The following GTF2H5 variants were observed in gnomAD, a reference collection of about 807,000 sequenced individuals.
GTF2H5 encodes TFB5 ortholog.
GTF2H5 carries 5 observed loss-of-function variants against 7.1 expected under a neutral mutation model. The ratio of observed to expected loss-of-function variants is 0.71; its 90% CI spans 0.37 to 1.49. The LOEUF (loss-of-function observed/expected upper bound fraction) is 1.49, where lower values mean the gene tolerates loss of function less well. GTF2H5 is among the 40% of genes most tolerant of loss of function. The probability of loss-of-function intolerance (pLI) is 0.03; values close to 1 mark genes in which losing one functional copy is unlikely to be tolerated. For missense variants in GTF2H5, 80 were observed against 83.0 expected (o/e 0.96, Z 0.14); for synonymous variants, 30 against 31.7 (o/e 0.95, Z 0.18).
chr6:158,169,678 A>AATATATTGTATATTGTATATT lies in GTF2H5; in HGVS notation c.-34-786_-34-785insTGTATATTGTATATTATATAT, dbSNP rs1785783723. 1.0e-4 allele frequency among the ~76,000 whole-genome samples: 5 copies of AATATATTGTATATTGTATATT among 48,886 alleles called. 1 individual carries two copies. The Admixed American group carries it at 1.6e-3, about 15-fold the overall frequency. The allele number at this position is 48,886 out of a possible 152,430, so 32.1% of individuals were successfully genotyped here. A position where few individuals can be genotyped will look rare whatever the true frequency, so the allele number is the denominator to read the frequency against. ...ACATATAATATATTGTATATTATATAATATATAATATATATTATATAATAT... is the reference window on the plus strand; with the variant it reads ...ACATATAATATATTGTATATTATATAATATATTGTATATTGTATATTATATATAATATATATTATATAATAT... On this transcript the variant is annotated intron_variant, in intron 1 of 2. Coordinates refer to ENST00000607778, the MANE Select transcript of GTF2H5 (RefSeq NM_207118.3).
rs1225401445 is a variant in GTF2H5 at position 158,197,709 on chromosome 6, C to G, written c.*5552C>G. The G allele has an allele frequency of 6.6e-6, 1 of 152,182 alleles. No homozygotes were observed. The highest frequency in any genetic ancestry group is 6.5e-5 in the Admixed American group (1 of 15,278). The allele number at this position is 152,182 out of a possible 1,614,324, so 9.4% of individuals were successfully genotyped here. ...TTCACCAGAGGGTCTTCCACCGTGA[C>G]AGTTCCCCTGCGCATTCCTCTCATA... On this transcript the variant is annotated 3_prime_UTR_variant, in exon 3 of 3. Transcript: ENST00000607778.
At chr6:158,175,693 G>A (rs908231484) in intron 2 of GTF2H5, among the ~76,000 whole-genome samples, 2 of 152,142 alleles carry the variant, frequency 1.3e-5, no homozygotes, top group African/African-American at 4.8e-5. Flanking sequence ...GAACCCAAGA[G>A]GCAGAGGTTG....
At chr6:158,169,638 CATATATTGTATATTACATATA>C (rs1185328511) in intron 1 of GTF2H5, among the ~76,000 whole-genome samples, 1 of 44,492 alleles carries the variant, frequency 2.2e-5, no homozygotes, top group Non-Finnish European at 3.5e-5. Context: ...TTGTATATTA[CATATATTGTATATTACATATA>C]ATATATTGTA....
At chr6:158,186,662 G>A (rs555506351) in intron 2 of GTF2H5, among the ~76,000 whole-genome samples, 1 of 152,188 alleles carries the variant, frequency 6.6e-6, no homozygotes, top group African/African-American at 2.4e-5. Flanking sequence ...TTGTGCCCAA[G>A]GTGTTCGGGC....
At chr6:158,180,476 T>C (rs139812256) in intron 2 of GTF2H5, among the ~76,000 whole-genome samples, 3 of 152,338 alleles carry the variant, frequency 2.0e-5, no homozygotes, top group African/African-American at 7.2e-5. Context: ...TCTGGTAGAA[T>C]TTGGCTGTGA....
intron 2 of GTF2H5, among the ~76,000 whole-genome samples, chr6:158,172,749 A>G (rs769983872): frequency 2.0e-5 from 3 of 152,000 alleles, no homozygotes; most frequent in Non-Finnish European, 4.4e-5. Flanking sequence ...TCCCACATTC[A>G]TCTTTCTTGT....
rs543690011 is a variant in GTF2H5 at position 158,172,117 on chromosome 6, C to T, written c.35+1579C>T. Among the ~76,000 whole-genome samples the T allele has an allele frequency of 8.3e-4, 127 of 152,176 alleles. 2 individuals carry two copies. The South Asian group carries it at 0.018, about 22-fold the overall frequency. The stretch of plus-strand genomic sequence containing the variant: ...CCCTGGGTTTGTTAAATATTCACTT[C>T]TCTCTTCTGAGGGTTTTGTGTTTTT... On this transcript the variant is annotated intron_variant, in intron 2 of 2. Coordinates refer to ENST00000607778, the MANE Select transcript of GTF2H5 (RefSeq NM_207118.3).
intron 2 of GTF2H5, among the ~76,000 whole-genome samples, chr6:158,189,679 A>G (rs1407213354): frequency 1.3e-5 from 2 of 152,180 alleles, no homozygotes; most frequent in Non-Finnish European, 2.9e-5. Flanking sequence ...CCATCTGTTC[A>G]GAGTCCCACA....
At chr6:158,170,345 GTCTT>G (rs1412396177) in intron 1 of GTF2H5, 121 bp from the exon 2 acceptor site, 1 of 640,044 alleles carries the variant, frequency 1.6e-6, no homozygotes, top group Admixed American at 2.7e-5. Context: ...AATGTTAACT[GTCTT>G]TCATAGACTT....
rs1373311682 is a variant in GTF2H5, at chr6:158,184,209, G to A, written c.36-7768G>A. Reference sequence around the variant, plus strand: ...GCGGGTACATCACCAGCAAGGTAGTGATTTGGGTTTTCTGATCAGTGGGAC... The same window carrying A: ...GCGGGTACATCACCAGCAAGGTAGTAATTTGGGTTTTCTGATCAGTGGGAC... On this transcript the variant is annotated intron_variant, in intron 2 of 2. Transcript: ENST00000607778. Among the ~76,000 whole-genome samples the A allele has an allele frequency of 2.6e-5, 4 of 152,070 alleles. No individual in the cohort carries two copies. In the East Asian group the frequency reaches 7.7e-4, roughly 29 times the overall value.
chr6:158,168,745 T>C (rs1201262362), intron 1 of GTF2H5, among the ~76,000 whole-genome samples: 1 of 152,268 alleles, frequency 6.6e-6, no homozygotes, highest in Non-Finnish European at 1.5e-5. Context: ...GCTTGTACTT[T>C]TTTCCTTTGG....
rs766435475 is a variant in GTF2H5 at position 158,193,023 on chromosome 6, G to A, written c.*866G>A. 2.6e-5 allele frequency: 4 copies of A among 151,616 alleles called. 1 individual carries two copies. The highest frequency in any genetic ancestry group is 4.4e-5 in the Non-Finnish European group (3 of 68,038). 9.4% of individuals were successfully genotyped at this position (151,616 alleles called of 1,614,324 possible). On this transcript the variant is annotated 3_prime_UTR_variant, in exon 3 of 3. Transcript: ENST00000607778. The stretch of plus-strand genomic sequence containing the variant: ...AGCCATATGCAAAGTCAGCCCAACA[G>A]GAAAGGACATATTAGATTAAAATAC...
intron 1 of GTF2H5, among the ~76,000 whole-genome samples, chr6:158,169,378 T>A (rs1297288671): frequency 4.2e-4 from 40 of 95,510 alleles, no homozygotes; most frequent in African/African-American, 1.9e-3. Flanking sequence ...AATATGTATA[T>A]TATATATTAT....
intron 2 of GTF2H5, among the ~76,000 whole-genome samples, chr6:158,179,580 G>T (rs1785979962): frequency 6.6e-6 from 1 of 152,054 alleles, no homozygotes; most frequent in South Asian, 2.1e-4. Flanking sequence ...GTATTCCTAG[G>T]TATTTTATTC....
intron 2 of GTF2H5, among the ~76,000 whole-genome samples, chr6:158,190,200 C>G (rs1777003641): frequency 6.6e-6 from 1 of 152,048 alleles, no homozygotes; most frequent in African/African-American, 2.4e-5. Flanking sequence ...CCATGCCCAC[C>G]CTAAAACCAA....
At chr6:158,178,832 TG>T (rs1188947032) in intron 2 of GTF2H5, among the ~76,000 whole-genome samples, 1 of 152,248 alleles carries the variant, frequency 6.6e-6, no homozygotes, top group African/African-American at 2.4e-5. Flanking sequence ...TCTTTTGCTG[TG>T]CAGAAGCTCT....
In GTF2H5 at chr6:158,192,021, A is replaced by T. The variant is rs372171527; in HGVS notation, c.80A>T (p.Asn27Ile). The change falls in exon 3 of 3, where the codon AAT (asparagine) becomes ATT (isoleucine). Residue 27 changes from asparagine (N) to isoleucine (I), a missense_variant. By Grantham distance (149) the Asn-to-Ile change is moderately radical. Coordinates refer to ENST00000607778, the MANE Select transcript of GTF2H5 (RefSeq NM_207118.3). ...TTTCTGCTGTACTTGGATGAGTCCAATGCCCTGGGGAAGAAGTTCATCATT... is the reference window on the plus strand; with the variant it reads ...TTTCTGCTGTACTTGGATGAGTCCATTGCCCTGGGGAAGAAGTTCATCATT... ...KQFLLYLDES[N>I]ALGKKFIIQD... The T allele has an allele frequency of 6.2e-7, 1 of 1,614,126 alleles. No individual in the cohort carries two copies. The highest frequency in any genetic ancestry group is 1.7e-5 in the Admixed American group (1 of 60,028).
In GTF2H5 at chr6:158,196,624, G is replaced by T. The variant is rs1460574864; in HGVS notation, c.*4467G>T. On this transcript the variant is annotated 3_prime_UTR_variant, in exon 3 of 3. Transcript: ENST00000607778. ...GGATATCAGTTTAAATAGAGCCCCT[G>T]TCAGAACAATATGAATTCTGCTAAA... is the stretch of plus-strand genomic sequence containing the variant. 6.6e-6 allele frequency: 1 copy of T among 152,170 alleles called. No individual in the cohort carries two copies. Among genetic ancestry groups the T allele is most frequent in the Non-Finnish European group, 1.5e-5 (1 of 68,032 alleles). The allele number at this position is 152,170 out of a possible 1,614,324, so 9.4% of individuals were successfully genotyped here.
chr6:158,186,678 C>G (rs1400381432), intron 2 of GTF2H5, among the ~76,000 whole-genome samples: 1 of 152,146 alleles, frequency 6.6e-6, no homozygotes, highest in Admixed American at 6.6e-5. Flanking sequence ...CGGGCTACAG[C>G]TTGGTTTTAC....
Sources: gnomAD v4.1 joint callset for allele counts (sites outside exome capture counted in the v4.1 genomes callset) on GRCh38, gnomAD v4.1.1 for gene constraint, MANE v1.5 for transcripts, NCBI Gene and HGNC (gene_info 2026-07-23, HGNC 2026-07-21) for gene names.